MECOM: variants seen among roughly 807,000 people sequenced by gnomAD.
The protein encoded by MECOM is histone-lysine N-methyltransferase MECOM.
Under a neutral mutation model 116.3 loss-of-function variants are expected in MECOM, and 13 were observed. The observed-to-expected ratio is 0.11, with a 90% confidence interval of 0.07 to 0.18. MECOM has a LOEUF of 0.18. Among genes scored for constraint, MECOM ranks in the 10% least tolerant of loss-of-function variants. The probability of loss-of-function intolerance (pLI) is 1.00; values close to 1 mark genes in which losing one functional copy is unlikely to be tolerated. For synonymous variants in MECOM, 528 were observed against 535.2 expected (o/e 0.99, Z 0.19); for missense variants, 1,299 against 1,509.0 (o/e 0.86, Z 2.31).
chr3:169,404,061 C>T lies in MECOM; in HGVS notation c.38-22537G>A, dbSNP rs149159563. Reference sequence around the variant, plus strand: ...GACCAAATCAGTCATTGTTGAGCAACCCAGTCTCACAGAGGACTCTCTGGC... The same window carrying T: ...GACCAAATCAGTCATTGTTGAGCAATCCAGTCTCACAGAGGACTCTCTGGC... On this transcript the variant is annotated intron_variant, in intron 1 of 16. Transcript: ENST00000651503. 1.3e-4 allele frequency among the ~76,000 whole-genome samples: 20 copies of T among 152,200 alleles called. No individual in the cohort carries two copies. The East Asian group carries it at 2.7e-3, about 21-fold the overall frequency.
In MECOM at chr3:169,097,217, T is replaced by G. The variant is rs564900935; in HGVS notation, c.2850-1972A>C. On this transcript the variant is annotated intron_variant, in intron 12 of 16. Coordinates refer to ENST00000651503, the MANE Select transcript of MECOM (RefSeq NM_004991.4). Reference sequence around the variant, plus strand: ...TATGTTTCTGCCATGCTTCTAACTTTCTGCTTGCACACAAAGGGTCTTTTC... The same window carrying G: ...TATGTTTCTGCCATGCTTCTAACTTGCTGCTTGCACACAAAGGGTCTTTTC... Among the ~76,000 whole-genome samples, 103 of 152,274 alleles carry G rather than the reference T, an allele frequency of 6.8e-4. 1 individual carries two copies. The Middle Eastern group carries it at 0.01, about 15-fold the overall frequency.
Position 169,121,127 on chromosome 3 carries a change from C to T in MECOM, c.1061G>A (p.Gly354Asp). The change falls in exon 7 of 17, where the codon GGC becomes GAC. Residue 354 changes from glycine to aspartate, a missense_variant. Coordinates refer to ENST00000651503, the MANE Select transcript of MECOM (RefSeq NM_004991.4). Reference protein sequence around the residue: ...GARAHACPECGKTFATSSGLK... With the variant: ...GARAHACPECDKTFATSSGLK... ...GCCCGACGAAGTGGCAAACGTTTTGCCACACTCCGGGCATGCATGGGCCCG... is the reference window on the plus strand; with the variant it reads ...GCCCGACGAAGTGGCAAACGTTTTGTCACACTCCGGGCATGCATGGGCCCG... The T allele has an allele frequency of 6.2e-7, 1 of 1,613,650 alleles. No homozygotes were observed. The highest frequency in any genetic ancestry group is 8.5e-7 in the Non-Finnish European group (1 of 1,179,796).
At chr3:169,609,968 T>C (rs1179364495) in intron 1 of MECOM, among the ~76,000 whole-genome samples, 1 of 152,196 alleles carries the variant, frequency 6.6e-6, no homozygotes, top group East Asian at 1.9e-4. Context: ...TCCCAGAATA[T>C]ACTGATTACT....
intron 1 of MECOM, among the ~76,000 whole-genome samples, chr3:169,512,382 C>A (rs942505978): frequency 1.3e-5 from 2 of 152,212 alleles, no homozygotes; most frequent in Non-Finnish European, 2.9e-5. Context: ...TTAGCCCTAT[C>A]TCCTCACATC....
intron 2 of MECOM, among the ~76,000 whole-genome samples, chr3:169,159,387 G>A (rs1742493531): frequency 6.6e-6 from 1 of 151,958 alleles, no homozygotes; most frequent in African/African-American, 2.4e-5. Context: ...GTGAAACCCT[G>A]TCTCTACTAA....
intron 2 of MECOM, among the ~76,000 whole-genome samples, chr3:169,356,258 A>G (rs1359188546): frequency 6.6e-6 from 1 of 151,924 alleles, no homozygotes; most frequent in East Asian, 1.9e-4. Flanking sequence ...CTTGGGGTAC[A>G]TTACTACTTA....
At chr3:169,320,041 C>T (rs531914273) in intron 2 of MECOM, among the ~76,000 whole-genome samples, 9 of 152,008 alleles carry the variant, frequency 5.9e-5, no homozygotes, top group Non-Finnish European at 1.2e-4. Flanking sequence ...AGAGATAAGA[C>T]GATTGTCTAG....
At chr3:169,337,754 A>G (rs1036381650) in intron 2 of MECOM, among the ~76,000 whole-genome samples, 3 of 152,214 alleles carry the variant, frequency 2.0e-5, no homozygotes, top group African/African-American at 4.8e-5. Flanking sequence ...TTGTTAAAAC[A>G]TGACATTGCC....
At chr3:169,294,975 T>C (rs1278024034) in intron 2 of MECOM, among the ~76,000 whole-genome samples, 2 of 152,218 alleles carry the variant, frequency 1.3e-5, no homozygotes, top group South Asian at 2.1e-4. Context: ...TCTCGGTCTT[T>C]CTTCCTGCTC....
chr3:169,353,695 T>C (rs1726774564), intron 2 of MECOM, among the ~76,000 whole-genome samples: 1 of 151,926 alleles, frequency 6.6e-6, no homozygotes, highest in Non-Finnish European at 1.5e-5. Flanking sequence ...CTTCTAATCA[T>C]GAAGATAACC....
chr3:169,593,479 A>G (rs2109659506), intron 1 of MECOM, among the ~76,000 whole-genome samples: 1 of 152,300 alleles, frequency 6.6e-6, no homozygotes, highest in East Asian at 1.9e-4. Flanking sequence ...GATTGTCTAT[A>G]TATGTAGCTC....
intron 2 of MECOM, among the ~76,000 whole-genome samples, chr3:169,312,165 C>T (rs1193071209): frequency 6.6e-6 from 1 of 152,046 alleles, no homozygotes; most frequent in African/African-American, 2.4e-5. Flanking sequence ...GATTATGGCA[C>T]AACAAAGGGT....
At position 169,448,251 on chromosome 3, in the gene MECOM, C is replaced by T. The variant is rs115590175; in HGVS notation, c.38-66727G>A. 9.3e-3 allele frequency among the ~76,000 whole-genome samples: 1,409 copies of T among 152,224 alleles called. 12 individuals are homozygous for T. The highest frequency in any genetic ancestry group is 0.021 in the South Asian group (103 of 4,820). ...CTTGCTACCATATCTTGTAAAATGCCACTCGTGTTATACGTTGTGGGAATG... is the reference window on the plus strand; with the variant it reads ...CTTGCTACCATATCTTGTAAAATGCTACTCGTGTTATACGTTGTGGGAATG... On this transcript the variant is annotated intron_variant, in intron 1 of 16. Transcript: ENST00000651503.
At chr3:169,208,598 A>G (rs189259862) in intron 2 of MECOM, among the ~76,000 whole-genome samples, 1 of 152,126 alleles carries the variant, frequency 6.6e-6, no homozygotes, top group Admixed American at 6.6e-5. Flanking sequence ...ATTACCTTAT[A>G]TGTTAAAGTA....
chr3:169,283,408 C>A (rs73032797), intron 2 of MECOM, among the ~76,000 whole-genome samples: 5,225 of 138,530 alleles, frequency 0.038, 222 homozygotes, highest in African/African-American at 0.14. Context: ...GAACAAGACC[C>A]CATCTCAAAA....
At chr3:169,504,154 T>TGC in intron 1 of MECOM, among the ~76,000 whole-genome samples, 2 of 90,380 alleles carry the variant, frequency 2.2e-5, no homozygotes, top group Non-Finnish European at 4.0e-5. Flanking sequence ...AAGAGAAGTG[T>TGC]GTGTGTGTGT....
In MECOM at chr3:169,529,582, G is replaced by T. The variant is rs564103241; in HGVS notation, c.37+133754C>A. ...CTCCCCAGCATTTCAAAATTGGTTAGTAAGGATGAGATCCACCTGTAGATC... is the reference window on the plus strand; with the variant it reads ...CTCCCCAGCATTTCAAAATTGGTTATTAAGGATGAGATCCACCTGTAGATC... On this transcript the variant is annotated intron_variant, in intron 1 of 16. Coordinates refer to ENST00000651503, the MANE Select transcript of MECOM (RefSeq NM_004991.4). 3.3e-5 allele frequency among the ~76,000 whole-genome samples: 5 copies of T among 152,326 alleles called. No homozygotes were observed. The South Asian group carries it at 8.3e-4, about 25-fold the overall frequency.
rs1002396160 is a variant in MECOM, at chr3:169,567,618, C to T, written c.37+95718G>A. ...GGCACAGAAGTATGAAAATGCTTTG[C>T]CAGTAAAATCAAGCCAGATGATGAT... is the stretch of plus-strand genomic sequence containing the variant. On this transcript the variant is annotated intron_variant, in intron 1 of 16. Transcript: ENST00000651503. Among the ~76,000 whole-genome samples the T allele has an allele frequency of 2.0e-5, 3 of 152,040 alleles. No individual in the cohort carries two copies. In the South Asian group the frequency reaches 6.2e-4, roughly 32 times the overall value.
intron 1 of MECOM, among the ~76,000 whole-genome samples, chr3:169,584,671 A>G (rs562110320): frequency 1.3e-5 from 2 of 152,294 alleles, no homozygotes; most frequent in South Asian, 4.1e-4. Context: ...TTCCAATTGA[A>G]TTTGAGTATA....
Sources: allele counts gnomAD v4.1 joint callset (sites outside exome capture counted in the v4.1 genomes callset), GRCh38; gene constraint gnomAD v4.1.1; transcripts MANE v1.5; gene names NCBI Gene and HGNC (gene_info 2026-07-23, HGNC 2026-07-21).